TRIOBP: variants seen among roughly 807,000 people sequenced by gnomAD.
TRIOBP encodes the protein TRIO and F-actin binding protein.
Under a neutral mutation model 238.8 loss-of-function variants are expected in TRIOBP, and 169 were observed. That is an observed-to-expected ratio of 0.71 (90% CI 0.62 to 0.80). TRIOBP has a LOEUF of 0.80. Among genes scored for constraint, TRIOBP ranks in the 30% least tolerant of loss-of-function variants. The pLI is 0.00. For missense variants in TRIOBP, 2,838 were observed against 3,122.6 expected (o/e 0.91, Z 2.17); for synonymous variants, 1,150 against 1,274.4 (o/e 0.90, Z 2.08).
At chr22:37,769,976 A>G (rs1201943487) in intron 21 of TRIOBP, among the ~76,000 whole-genome samples, 2 of 149,372 alleles carry the variant, frequency 1.3e-5, no homozygotes, top group African/African-American at 4.9e-5. Flanking sequence ...TGATCTGCCT[A>G]CCTTGGCCTC....
At chr22:37,757,498 G>T in intron 15 of TRIOBP, 115 bp from the exon 16 acceptor site, 1 of 1,410,610 alleles carries the variant, frequency 7.1e-7, no homozygotes. Flanking sequence ...TCCTTCCCTG[G>T]GGTCTGTCTC....
chr22:37,755,890 C>T (rs559125203), intron 15 of TRIOBP, among the ~76,000 whole-genome samples: 1 of 152,250 alleles, frequency 6.6e-6, no homozygotes, highest in African/African-American at 2.4e-5. Flanking sequence ...GGAGGAGATG[C>T]CTGTGAGTCA....
intron 6 of TRIOBP, among the ~76,000 whole-genome samples, chr22:37,716,613 A>G (rs1923534198): frequency 6.6e-6 from 1 of 152,192 alleles, no homozygotes. Flanking sequence ...TATTTTTAGT[A>G]GAGACAGGGT....
intron 21 of TRIOBP, among the ~76,000 whole-genome samples, chr22:37,770,820 C>A (rs1193539799): frequency 6.6e-6 from 1 of 151,934 alleles, no homozygotes; most frequent in Non-Finnish European, 1.5e-5. Context: ...GTAGCTGGGA[C>A]TACAGGCACC....
rs1184325266 is a variant in TRIOBP, at chr22:37,724,906, A to C, written c.2350A>C (p.Asn784His). 1.2e-6 allele frequency: 2 copies of C among 1,612,438 alleles called. No homozygotes were observed. The highest frequency in any genetic ancestry group is 1.7e-6 in the Non-Finnish European group (2 of 1,179,598). The change falls in exon 7 of 24, where the codon AAT (asparagine) becomes CAT (histidine). Residue 784 changes from asparagine to histidine, a missense_variant. Physicochemically the swap from Asn to His is moderately conservative, Grantham distance 68. Transcript: ENST00000644935. The part of the protein sequence containing the change: ...RQDNPRTSSP[N>H]RATRDNPRTS... Reference sequence around the variant, plus strand: ...GGACAATCCCAGGACCTCCTCTCCCAATAGAGCCACACGAGACAACCCCAG... The same window carrying C: ...GGACAATCCCAGGACCTCCTCTCCCCATAGAGCCACACGAGACAACCCCAG...
chr22:37,711,287 C>CA (rs1235483847), intron 4 of TRIOBP, among the ~76,000 whole-genome samples: 2 of 151,970 alleles, frequency 1.3e-5, no homozygotes, highest in Non-Finnish European at 2.9e-5. Context: ...AACAAACAAA[C>CA]AAAAAAACAG....
intron 11 of TRIOBP, among the ~76,000 whole-genome samples, chr22:37,748,925 G>A (rs1569053383): frequency 6.6e-6 from 1 of 152,122 alleles, no homozygotes; most frequent in Admixed American, 6.6e-5. Flanking sequence ...TGAAGGGCCC[G>A]GAGTCCTGGT....
At chr22:37,758,198 C>T in intron 16 of TRIOBP, 60 bp downstream of exon 16, 20 of 1,592,172 alleles carry the variant, frequency 1.3e-5, no homozygotes, top group Non-Finnish European at 1.6e-5. Flanking sequence ...CCAGTCCCTG[C>T]ATTCATGCCC....
intron 5 of TRIOBP, among the ~76,000 whole-genome samples, chr22:37,715,476 G>A (rs1923463870): frequency 6.6e-6 from 1 of 151,990 alleles, no homozygotes; most frequent in Non-Finnish European, 1.5e-5. Context: ...CCAAGTAGCT[G>A]GGACTACAGG....
In TRIOBP at chr22:37,725,374, C is replaced by T. The variant is rs754907138; in HGVS notation, c.2818C>T (p.Arg940Trp). ...GGTTCCCTGGGCATCCATCGCCCTC[C>T]GGCCAACCCAAGGTGACAGGCCTCA... The part of the protein sequence containing the change: ...SEVPWASIAL[R>W]PTQGDRPQTS... Residue 940 changes from arginine to tryptophan, a missense_variant, in exon 7 of 24, where the codon CGG becomes TGG. Physicochemically the swap from Arg to Trp is moderately radical, Grantham distance 101. Transcript: ENST00000644935. The T allele has an allele frequency of 1.3e-5, 21 of 1,612,604 alleles. No homozygotes were observed. The highest frequency in any genetic ancestry group is 2.2e-5 in the East Asian group (1 of 44,854).
At chr22:37,729,719 C>G (rs1169907668) in intron 7 of TRIOBP, among the ~76,000 whole-genome samples, 2 of 152,132 alleles carry the variant, frequency 1.3e-5, no homozygotes, top group Non-Finnish European at 2.9e-5. Context: ...ACATTTAATT[C>G]TACTCTCTTT....
Position 37,734,697 on chromosome 22 carries a change from T to A in TRIOBP, c.4361T>A (p.Leu1454Gln). 2.5e-6 allele frequency: 4 copies of A among 1,606,710 alleles called. No individual in the cohort carries two copies. The highest frequency in any genetic ancestry group is 2.5e-6 in the Non-Finnish European group (3 of 1,177,060). The change falls in exon 9 of 24, where the codon CTG (leucine) becomes CAG (glutamine). Residue 1454 changes from leucine (L) to glutamine (Q), a missense_variant. Leu to Gln is a moderately radical substitution (Grantham distance 113). Coordinates refer to ENST00000644935, the MANE Select transcript of TRIOBP (RefSeq NM_001039141.3). ...ERSWSSQEGG[L>Q]GPGGWWGCGE... ...AGCTGGAGCAGCCAGGAGGGAGGCC[T>A]GGGCCCTGGGGGCTGGTGGGGATGT... is the stretch of plus-strand genomic sequence containing the variant.
rs551329239 is a variant in TRIOBP at position 37,774,123 on chromosome 22, T to TTAA, written c.*343_*344insTAA. 7.2e-6 allele frequency: 1 copy of TTAA among 139,586 alleles called. No individual in the cohort carries two copies. Among genetic ancestry groups the TTAA allele is most frequent in the African/African-American group, 2.7e-5 (1 of 37,600 alleles). The allele number at this position is 139,586 out of a possible 1,614,324, so 8.6% of individuals were successfully genotyped here. ...TTTTTTTCCAAAACACTTTATACTT[T>TTAA]AAAAAAAAAAAAAAAAAGCAATTCC... On this transcript the variant is annotated 3_prime_UTR_variant, in exon 24 of 24. Coordinates refer to ENST00000644935, the MANE Select transcript of TRIOBP (RefSeq NM_001039141.3).
intron 9 of TRIOBP, among the ~76,000 whole-genome samples, chr22:37,737,767 G>A (rs905419679): frequency 1.3e-5 from 2 of 152,044 alleles, no homozygotes; most frequent in South Asian, 4.1e-4. Flanking sequence ...GGGCCTGTGA[G>A]CACATATCCC....
intron 4 of TRIOBP, among the ~76,000 whole-genome samples, chr22:37,712,445 C>T (rs1923299955): frequency 1.3e-5 from 2 of 152,224 alleles, no homozygotes; most frequent in Middle Eastern, 6.8e-3. Context: ...GATTATCTTG[C>T]CTCAGCCTCC....
Position 37,772,618 on chromosome 22 carries a change from G to A in TRIOBP, c.6954G>A (p.Ser2318=), listed in dbSNP as rs769668759. ...CCCCCCAGGACAAGCGCTTCACCTC[G>A]GGAAAGTACCAGGACGTCTATGTGG... ...QMMQKDKRFT[S]GKYQDVYVEL... is the part of the protein sequence containing the mutation. The change falls in exon 23 of 24, where the codon TCG becomes TCA. Residue 2318 remains serine, a synonymous_variant. Transcript: ENST00000644935. The A allele has an allele frequency of 7.7e-5, 125 of 1,613,966 alleles. No homozygotes were observed. The highest frequency in any genetic ancestry group is 1.6e-4 in the Middle Eastern group (1 of 6,084).
At chr22:37,710,393 G>T in intron 3 of TRIOBP, 34 bp from the exon 4 acceptor site, 1 of 1,611,576 alleles carries the variant, frequency 6.2e-7, no homozygotes, top group Non-Finnish European at 8.5e-7. Flanking sequence ...CCACGTGGGC[G>T]CTGAGCTGTC....
rs118204026 is a variant in TRIOBP at position 37,723,595 on chromosome 22, C to G, written c.1039C>G (p.Arg347Gly). 6 of 1,613,960 alleles carry G rather than the reference C, an allele frequency of 3.7e-6. No individual in the cohort carries two copies. Among genetic ancestry groups the G allele is most frequent in the Non-Finnish European group, 5.1e-6 (6 of 1,180,008 alleles). Residue 347 changes from arginine (R) to glycine (G), a missense_variant, in exon 7 of 24, where the codon CGA becomes GGA. Arg to Gly is a moderately radical substitution (Grantham distance 125). Coordinates refer to ENST00000644935, the MANE Select transcript of TRIOBP (RefSeq NM_001039141.3). ...WNTPRASSPS[R>G]STQLDNPRTS... ...CACCCCCAGAGCTTCCTCTCCCTCA[C>G]GAAGCACCCAACTGGATAACCCCAG...
At chr22:37,722,450 G>A (rs1226329602) in intron 6 of TRIOBP, among the ~76,000 whole-genome samples, 2 of 149,206 alleles carry the variant, frequency 1.3e-5, no homozygotes, top group African/African-American at 2.5e-5. Context: ...AAAAAGGTCG[G>A]GCATGGTGGC....
Sources: allele counts gnomAD v4.1 joint callset (sites outside exome capture counted in the v4.1 genomes callset), GRCh38; gene constraint gnomAD v4.1.1; transcripts MANE v1.5; gene names NCBI Gene and HGNC (gene_info 2026-07-23, HGNC 2026-07-21).